Variants in PKHD1 observed in about 807,000 individuals in gnomAD.
The protein encoded by PKHD1 is PKHD1 ciliary IPT domain containing fibrocystin/polyductin, also known as fibrocystin.
A neutral mutation model predicts 412.0 loss-of-function variants in PKHD1; 291 were observed. That is an observed-to-expected ratio of 0.71 (90% confidence interval 0.64 to 0.78). PKHD1 has a LOEUF of 0.78. PKHD1 is among the 30% of genes least tolerant of loss of function. The pLI is 0.00. For synonymous variants in PKHD1, 1,777 were observed against 1,821.5 expected, an observed-to-expected ratio of 0.98 and a Z score of 0.62; for missense variants, 4,825 against 4,950.7, an observed-to-expected ratio of 0.97 and a Z score of 0.76.
chr6:52,081,208 C>T (rs1193639321), intron 4 of PKHD1, among the ~76,000 whole-genome samples: 1 of 152,110 alleles, frequency 6.6e-6, no homozygotes, highest in Non-Finnish European at 1.5e-5. Context: ...GGAGATAGGA[C>T]ATGTAAATCT....
At chr6:51,964,963 C>T (rs1408759140) in intron 35 of PKHD1, among the ~76,000 whole-genome samples, 3 of 150,534 alleles carry the variant, frequency 2.0e-5, no homozygotes, top group Non-Finnish European at 4.5e-5. Flanking sequence ...TGTTTTTATT[C>T]CTTGCTATTT....
intron 23 of PKHD1, among the ~76,000 whole-genome samples, 182 bp downstream of exon 23, chr6:52,048,310 C>T (rs751463369): frequency 2.0e-5 from 3 of 152,222 alleles, no homozygotes; most frequent in Admixed American, 1.3e-4. Flanking sequence ...GTTGGGGTAG[C>T]ATTAACAATA....
At chr6:51,960,055 T>G in intron 35 of PKHD1, 29 bp from the exon 36 acceptor site, 1 of 1,607,726 alleles carries the variant, frequency 6.2e-7, no homozygotes, top group Non-Finnish European at 8.5e-7. Flanking sequence ...GGTTGGTGGG[T>G]TGGTTGGTTG....
intron 56 of PKHD1, 136 bp downstream of exon 56, chr6:51,754,648 A>G: frequency 1.3e-6 from 1 of 741,632 alleles, no homozygotes; most frequent in Non-Finnish European, 2.4e-6. Context: ...AAGGCCACGT[A>G]GCATGAGTCT....
At chr6:52,071,259 A>T (rs1159617464) in intron 8 of PKHD1, among the ~76,000 whole-genome samples, 189 bp from the exon 9 acceptor site, 2 of 151,458 alleles carry the variant, frequency 1.3e-5, no homozygotes, top group African/African-American at 4.8e-5. Context: ...CCCTTTATAT[A>T]TACTAGTTAG....
At chr6:51,623,637 G>A (rs573485409) in intron 66 of PKHD1, among the ~76,000 whole-genome samples, 1 of 152,176 alleles carries the variant, frequency 6.6e-6, no homozygotes, top group East Asian at 1.9e-4. Flanking sequence ...AGGCTGGAAT[G>A]CAGTGGCATG....
chr6:51,945,936 CAT>C (rs1430381553), intron 36 of PKHD1, among the ~76,000 whole-genome samples: 2 of 152,222 alleles, frequency 1.3e-5, no homozygotes, highest in Admixed American at 1.3e-4. Flanking sequence ...TAAGGAAAAA[CAT>C]GTGTGAACCT....
chr6:51,771,034 T>C (rs2151126336), intron 55 of PKHD1, among the ~76,000 whole-genome samples: 2 of 152,192 alleles, frequency 1.3e-5, no homozygotes, highest in Non-Finnish European at 2.9e-5. Flanking sequence ...GCAAACCAGT[T>C]CTTCCGTACT....
In PKHD1 at chr6:51,870,583, C is replaced by T. The variant is rs757069923; in HGVS notation, c.7407G>A (p.Val2469=). The T allele has an allele frequency of 6.2e-7, 1 of 1,606,690 alleles. No homozygotes were observed. Among genetic ancestry groups the T allele is most frequent in the South Asian group, 1.1e-5 (1 of 90,908 alleles). The change falls in exon 47 of 67, where the codon GTG becomes GTA. Residue 2469 remains valine, a synonymous_variant. Transcript: ENST00000371117. ...IKTPKRWELM[V]SNTTFVNFDL... is the part of the protein sequence containing the mutation. ...CAAAATTAACAAAGGTTGTGTTAGA[C>T]ACCATCAGTTCCCATCTTTTAGGAG...
At chr6:51,834,697 A>G (rs1289568500) in intron 51 of PKHD1, among the ~76,000 whole-genome samples, 1 of 152,184 alleles carries the variant, frequency 6.6e-6, no homozygotes, top group East Asian at 1.9e-4. Flanking sequence ...CAATGTCTTG[A>G]AAGTATGTTA....
chr6:51,691,032 C>A (rs1403394641), intron 60 of PKHD1, among the ~76,000 whole-genome samples: 6 of 152,098 alleles, frequency 3.9e-5, no homozygotes, highest in Admixed American at 2.0e-4. Flanking sequence ...GACATACATG[C>A]AGCCAACAAC....
rs114098005 is a variant in PKHD1, at chr6:51,950,315, T to C, written c.5908+9555A>G. ...CCATTTTCATCAACTCAGATTTCCC[T>C]GGCGGGGTAGGGACCTGTGCATCCA... On this transcript the variant is annotated intron_variant, in intron 36 of 66. Transcript: ENST00000371117. 7.2e-3 allele frequency among the ~76,000 whole-genome samples: 1,098 copies of C among 151,470 alleles called. 17 individuals carry two copies. The highest frequency in any genetic ancestry group is 0.026 in the African/African-American group (1,061 of 41,334).
chr6:51,861,817 G>A (rs940410889), intron 48 of PKHD1, among the ~76,000 whole-genome samples: 1 of 152,150 alleles, frequency 6.6e-6, no homozygotes, highest in Non-Finnish European at 1.5e-5. Context: ...GTTATCTGCT[G>A]TTATATTAGG....
intron 52 of PKHD1, among the ~76,000 whole-genome samples, chr6:51,827,908 T>A (rs181723553): frequency 6.6e-5 from 10 of 152,216 alleles, no homozygotes; most frequent in Admixed American, 4.6e-4. Flanking sequence ...CTTTTACTAA[T>A]GGTTCATTGC....
chr6:51,643,752 ATGCGCCGTGGT>A (rs1581803700), intron 63 of PKHD1, among the ~76,000 whole-genome samples: 1 of 152,258 alleles, frequency 6.6e-6, no homozygotes, highest in East Asian at 1.9e-4. Flanking sequence ...GTAGGCAAAC[ATGCGCCGTGGT>A]GGTTGGCTGC....
intron 20 of PKHD1, among the ~76,000 whole-genome samples, chr6:52,053,831 A>G (rs527305585): frequency 6.6e-6 from 1 of 152,332 alleles, no homozygotes. Context: ...GAGAAATGTC[A>G]GACTCCCTCT....
intron 29 of PKHD1, among the ~76,000 whole-genome samples, chr6:52,031,605 C>G (rs747773975): frequency 6.6e-6 from 1 of 152,162 alleles, no homozygotes; most frequent in Non-Finnish European, 1.5e-5. Flanking sequence ...ACTGCAGAAA[C>G]CAACACTAAT....
intron 54 of PKHD1, among the ~76,000 whole-genome samples, chr6:51,773,633 T>C (rs1790516492): frequency 6.6e-6 from 1 of 151,630 alleles, no homozygotes; most frequent in Non-Finnish European, 1.5e-5. Flanking sequence ...CCAAATGTAT[T>C]GTCTGCATAT....
At chr6:51,898,754 A>T (rs1266433016) in intron 43 of PKHD1, among the ~76,000 whole-genome samples, 18 of 129,508 alleles carry the variant, frequency 1.4e-4, no homozygotes, top group African/African-American at 3.9e-4. Context: ...TCAACAAAAT[A>T]GATAGACTGC....
Sources: allele counts gnomAD v4.1 joint callset (sites outside exome capture counted in the v4.1 genomes callset), GRCh38; gene constraint gnomAD v4.1.1; transcripts MANE v1.5; gene names NCBI Gene and HGNC (gene_info 2026-07-23, HGNC 2026-07-21).